SPAG16: variants seen among roughly 807,000 people sequenced by gnomAD.
SPAG16 encodes sperm associated antigen 16.
Under a neutral mutation model 80.4 loss-of-function variants are expected in SPAG16, and 86 were observed. The ratio of observed to expected loss-of-function variants is 1.07; its 90% confidence interval spans 0.90 to 1.28. SPAG16 has a LOEUF of 1.28. SPAG16 is among the 50% of genes most tolerant of loss of function. The pLI, the probability that SPAG16 is intolerant of heterozygous loss-of-function variation, is 0.00. For missense variants in SPAG16, 870 were observed against 765.3 expected (o/e 1.14, Z -1.61); for synonymous variants, 294 against 265.9 (o/e 1.11, Z -1.03).
intron 10 of SPAG16, among the ~76,000 whole-genome samples, chr2:213,611,800 A>G (rs1016926413): frequency 6.6e-6 from 1 of 152,162 alleles, no homozygotes; most frequent in Non-Finnish European, 1.5e-5. Context: ...AGAAGTAAAG[A>G]CATCTCTTGT....
In SPAG16 at chr2:213,522,803, A is replaced by ATATATATATATAACAAACT. The variant is rs2075729112; in HGVS notation, c.1070+32732_1070+32750dup. Among the ~76,000 whole-genome samples the ATATATATATATAACAAACT allele has an allele frequency of 2.0e-5, 3 of 148,790 alleles. No homozygotes were observed. In the South Asian group the frequency reaches 6.3e-4, roughly 31 times the overall value. On this transcript the variant is annotated intron_variant, in intron 10 of 15. Coordinates refer to ENST00000331683, the MANE Select transcript of SPAG16 (RefSeq NM_024532.5). ...TGCCCAAAACTTACATGCCAAATAT[A>ATATATATATATAACAAACT]TATATATATATAACAAACTTATATA...
chr2:213,868,967 T>G lies in SPAG16; in HGVS notation c.1214+6339T>G, dbSNP rs150919604. ...TTAGATTTTTAAAAATATATATACA[T>G]GGGACTGGGCATGGTGGCTCACACC... is the stretch of plus-strand genomic sequence containing the variant. On this transcript the variant is annotated intron_variant, in intron 11 of 15. Transcript: ENST00000331683. 7.2e-3 allele frequency among the ~76,000 whole-genome samples: 1,095 copies of G among 152,010 alleles called. 11 individuals carry two copies. Among genetic ancestry groups the G allele is most frequent in the Non-Finnish European group, 0.011 (773 of 67,946 alleles).
intron 10 of SPAG16, among the ~76,000 whole-genome samples, chr2:213,691,167 A>G (rs1022248498): frequency 6.6e-6 from 1 of 152,088 alleles, no homozygotes; most frequent in Non-Finnish European, 1.5e-5. Context: ...CCCTACTTAA[A>G]ATTCCAGCAA....
chr2:214,276,584 G>T (rs188330638), intron 15 of SPAG16, among the ~76,000 whole-genome samples: 2 of 152,274 alleles, frequency 1.3e-5, no homozygotes, highest in South Asian at 2.1e-4. Context: ...GAAATTCTGG[G>T]TTGAAAATTC....
chr2:213,689,236 G>A (rs927110959), intron 10 of SPAG16, among the ~76,000 whole-genome samples: 2 of 152,162 alleles, frequency 1.3e-5, no homozygotes, highest in African/African-American at 4.8e-5. Context: ...GGAATTACAG[G>A]CATGAGCCAC....
chr2:214,126,631 C>T (rs879828999), intron 14 of SPAG16, among the ~76,000 whole-genome samples: 1 of 151,740 alleles, frequency 6.6e-6, no homozygotes, highest in African/African-American at 2.4e-5. Flanking sequence ...AATGTTATTG[C>T]AGTGAGCACT....
chr2:214,309,819 A>G (rs1695160263), intron 15 of SPAG16, among the ~76,000 whole-genome samples: 1 of 152,140 alleles, frequency 6.6e-6, no homozygotes, highest in Non-Finnish European at 1.5e-5. Context: ...AAGTGGATAC[A>G]GGGGTTCCTA....
intron 15 of SPAG16, among the ~76,000 whole-genome samples, chr2:214,226,511 A>T (rs1194931534): frequency 6.6e-6 from 1 of 152,078 alleles, no homozygotes; most frequent in Non-Finnish European, 1.5e-5. Flanking sequence ...TACAACCATC[A>T]TATCTGTGAC....
At chr2:214,135,160 T>A (rs1297826810) in intron 14 of SPAG16, among the ~76,000 whole-genome samples, 1 of 152,240 alleles carries the variant, frequency 6.6e-6, no homozygotes, top group African/African-American at 2.4e-5. Flanking sequence ...AGCATTTAAC[T>A]CTTCTATTGT....
intron 12 of SPAG16, among the ~76,000 whole-genome samples, chr2:213,990,744 T>G (rs2046238088): frequency 6.6e-6 from 1 of 151,884 alleles, no homozygotes; most frequent in Admixed American, 6.6e-5. Context: ...AGGAGGAAAA[T>G]CTATGTATAA....
At chr2:214,378,874 C>T (rs6705674) in intron 15 of SPAG16, among the ~76,000 whole-genome samples, 117,528 of 152,176 alleles carry the variant, frequency 0.77, 46,134 homozygotes, top group African/African-American at 0.92. Context: ...TTTCCCCTTG[C>T]TCTATAAGGA....
At chr2:213,326,878 A>G (rs2063864825) in intron 5 of SPAG16, among the ~76,000 whole-genome samples, 1 of 152,018 alleles carries the variant, frequency 6.6e-6, no homozygotes, top group African/African-American at 2.4e-5. Context: ...ACTTCAAAAT[A>G]TTTTTGAGCA....
intron 12 of SPAG16, among the ~76,000 whole-genome samples, chr2:213,984,324 G>A (rs2045905057): frequency 6.6e-6 from 1 of 152,040 alleles, no homozygotes; most frequent in Non-Finnish European, 1.5e-5. Context: ...CACAGCCATA[G>A]TACACACATA....
chr2:214,166,435 G>A (rs1384890764), intron 15 of SPAG16, among the ~76,000 whole-genome samples: 2 of 152,130 alleles, frequency 1.3e-5, no homozygotes, highest in South Asian at 4.1e-4. Context: ...GGGTGCACTT[G>A]CACAGTGGCT....
At chr2:213,791,786 T>C (rs2070717362) in intron 10 of SPAG16, among the ~76,000 whole-genome samples, 1 of 151,910 alleles carries the variant, frequency 6.6e-6, no homozygotes. Flanking sequence ...GGATTAGGAG[T>C]GAGTATAAAA....
intron 14 of SPAG16, among the ~76,000 whole-genome samples, chr2:214,139,375 CT>C (rs2055231114): frequency 6.6e-6 from 1 of 151,858 alleles, no homozygotes; most frequent in Admixed American, 6.6e-5. Flanking sequence ...TTATTTTTGT[CT>C]GTTTTTGACA....
intron 10 of SPAG16, among the ~76,000 whole-genome samples, chr2:213,823,411 A>G (rs1238986965): frequency 6.6e-6 from 1 of 152,092 alleles, no homozygotes; most frequent in Non-Finnish European, 1.5e-5. Context: ...CCCAGGCTGG[A>G]GTGCAGTGGC....
intron 12 of SPAG16, among the ~76,000 whole-genome samples, chr2:213,962,678 C>G (rs960000046): frequency 2.0e-5 from 3 of 152,166 alleles, no homozygotes; most frequent in Admixed American, 6.5e-5. Flanking sequence ...GTTGTTTAAG[C>G]CACCCAGTCT....
chr2:213,907,507 A>G (rs932893086), intron 11 of SPAG16, among the ~76,000 whole-genome samples: 5 of 152,076 alleles, frequency 3.3e-5, no homozygotes, highest in African/African-American at 9.7e-5. Flanking sequence ...TAGAACTGCC[A>G]TATAACTCAG....
Sources: gnomAD v4.1 joint callset for allele counts (sites outside exome capture counted in the v4.1 genomes callset) on GRCh38, gnomAD v4.1.1 for gene constraint, MANE v1.5 for transcripts, NCBI Gene and HGNC (gene_info 2026-07-23, HGNC 2026-07-21) for gene names.